Variants in CDKAL1 observed in about 807,000 individuals in gnomAD.
CDKAL1 encodes threonylcarbamoyladenosine tRNA methylthiotransferase.
In CDKAL1, 32 loss-of-function variants were observed where a neutral mutation model predicts 68.2. That is an observed-to-expected ratio of 0.47 (90% CI 0.35 to 0.63). The LOEUF (loss-of-function observed/expected upper bound fraction) is 0.63, where lower values mean the gene tolerates loss of function less well. Ranked by LOEUF, CDKAL1 falls within the 30% of genes least tolerant of loss-of-function variation. The pLI, the probability that CDKAL1 is intolerant of heterozygous loss-of-function variation, is 0.00. For synonymous variants in CDKAL1, 234 were observed against 244.3 expected (o/e 0.96, Z 0.39); for missense variants, 606 against 696.7 (o/e 0.87, Z 1.47).
chr6:20,915,761 G>A (rs983349646), intron 9 of CDKAL1, among the ~76,000 whole-genome samples: 5 of 152,152 alleles, frequency 3.3e-5, no homozygotes, highest in Non-Finnish European at 7.3e-5. Flanking sequence ...AATGTTCATA[G>A]CAGCTTTATT....
intron 9 of CDKAL1, among the ~76,000 whole-genome samples, chr6:20,925,802 G>A (rs1360306941): frequency 1.3e-5 from 2 of 152,112 alleles, no homozygotes; most frequent in Non-Finnish European, 2.9e-5. Context: ...AAAGATATTA[G>A]TTACAGAGTA....
intron 9 of CDKAL1, 83 bp from the exon 10 acceptor site, chr6:20,955,336 A>C (rs1451607546): frequency 7.4e-7 from 1 of 1,351,616 alleles, no homozygotes; most frequent in Non-Finnish European, 1.0e-6. Flanking sequence ...GTTGAGAAAT[A>C]CTGCATTAAA....
intron 11 of CDKAL1, among the ~76,000 whole-genome samples, chr6:21,013,256 G>A (rs1768118440): frequency 6.6e-6 from 1 of 150,904 alleles, no homozygotes; most frequent in Non-Finnish European, 1.5e-5. Context: ...TAATTCACAA[G>A]GAGAGTGGTT....
chr6:20,852,202 T>A (rs1759054065), intron 9 of CDKAL1, among the ~76,000 whole-genome samples: 1 of 152,132 alleles, frequency 6.6e-6, no homozygotes, highest in African/African-American at 2.4e-5. Flanking sequence ...GTATTGTGTT[T>A]TGAAAGAGGG....
At chr6:21,211,851 G>A (rs1001091633) in intron 15 of CDKAL1, among the ~76,000 whole-genome samples, 9 of 152,070 alleles carry the variant, frequency 5.9e-5, no homozygotes, top group African/African-American at 1.9e-4. Context: ...TCTACTTCCC[G>A]GGCTCAAGTG....
intron 13 of CDKAL1, among the ~76,000 whole-genome samples, chr6:21,194,108 A>G (rs144754167): frequency 9.7e-4 from 148 of 152,294 alleles, no homozygotes; most frequent in African/African-American, 3.5e-3. Context: ...CTCAAGAACT[A>G]ACTCAGTCCC....
At chr6:20,716,541 G>A (rs1772103287) in intron 5 of CDKAL1, among the ~76,000 whole-genome samples, 1 of 134,532 alleles carries the variant, frequency 7.4e-6, no homozygotes, top group South Asian at 2.3e-4. Flanking sequence ...CAAATGAAAA[G>A]AAGAGAGCAA....
intron 10 of CDKAL1, among the ~76,000 whole-genome samples, chr6:20,990,103 C>T (rs1342993978): frequency 3.3e-5 from 5 of 151,952 alleles, no homozygotes; most frequent in Non-Finnish European, 7.4e-5. Context: ...ATTAGCTGGG[C>T]GTGGTGGCAC....
chr6:20,859,306 GA>G (rs112918017), intron 9 of CDKAL1, among the ~76,000 whole-genome samples: 1,679 of 151,372 alleles, frequency 0.011, 24 homozygotes, highest in African/African-American at 0.038. Context: ...AAAAAAAAAA[GA>G]AAAAAAATGG....
intron 15 of CDKAL1, among the ~76,000 whole-genome samples, chr6:21,214,064 A>G (rs976093949): frequency 2.0e-5 from 3 of 152,212 alleles, no homozygotes; most frequent in Non-Finnish European, 4.4e-5. Flanking sequence ...GAAGCAAAAT[A>G]AGCCACACCA....
chr6:20,738,495 T>TTG (rs973733062), intron 5 of CDKAL1, among the ~76,000 whole-genome samples: 21 of 149,788 alleles, frequency 1.4e-4, no homozygotes, highest in Middle Eastern at 3.4e-3. Flanking sequence ...GTTTTTTTTT[T>TTG]TTTTTTTTTT....
chr6:20,865,112 T>C (rs1028583866), intron 9 of CDKAL1, among the ~76,000 whole-genome samples: 1 of 152,210 alleles, frequency 6.6e-6, no homozygotes, highest in Admixed American at 6.5e-5. Flanking sequence ...CTGCTGGTGC[T>C]TGTTATCTCT....
chr6:20,735,269 A>T (rs565674644), intron 5 of CDKAL1, among the ~76,000 whole-genome samples: 1 of 152,186 alleles, frequency 6.6e-6, no homozygotes, highest in East Asian at 1.9e-4. Context: ...CTCATGCTAC[A>T]AATAAAGACA....
At chr6:21,082,868 T>G (rs1260485843) in intron 12 of CDKAL1, among the ~76,000 whole-genome samples, 1 of 142,970 alleles carries the variant, frequency 7.0e-6, no homozygotes, top group East Asian at 2.1e-4. Flanking sequence ...CATTTATGTT[T>G]CTTTTGTTTT....
At chr6:20,765,946 A>G (rs1334679073) in intron 7 of CDKAL1, among the ~76,000 whole-genome samples, 1 of 149,630 alleles carries the variant, frequency 6.7e-6, no homozygotes, top group East Asian at 1.9e-4. Context: ...GTCTTCTTTA[A>G]ACATTGTAAG....
In CDKAL1 at chr6:21,076,508, A is replaced by G. The variant is rs150698099; in HGVS notation, c.1236+11280A>G. On this transcript the variant is annotated intron_variant, in intron 12 of 15. Transcript: ENST00000274695. ...TTACGTTTAACAACTCAGTGTTTTA[A>G]AGAATATCAGGTTGCCTTAATGGAA... Among the ~76,000 whole-genome samples the G allele has an allele frequency of 1.0e-2, 1,520 of 152,306 alleles. 10 individuals carry two copies. The highest frequency in any genetic ancestry group is 0.014 in the Non-Finnish European group (971 of 68,018).
intron 5 of CDKAL1, among the ~76,000 whole-genome samples, chr6:20,718,043 T>C (rs954769027): frequency 6.6e-6 from 1 of 152,066 alleles, no homozygotes; most frequent in Non-Finnish European, 1.5e-5. Context: ...GATGACTGAG[T>C]TGAGATGTTC....
chr6:21,174,983 C>T (rs570296973), intron 13 of CDKAL1, among the ~76,000 whole-genome samples: 53 of 152,222 alleles, frequency 3.5e-4, no homozygotes, highest in Non-Finnish European at 6.5e-4. Context: ...CAACATAAGG[C>T]GCTGGGCTTT....
At chr6:20,780,281 A>G (rs1015731533) in intron 7 of CDKAL1, among the ~76,000 whole-genome samples, 4 of 152,118 alleles carry the variant, frequency 2.6e-5, no homozygotes, top group African/African-American at 9.7e-5. Flanking sequence ...AAATGTTTTA[A>G]TGGCTCTTAA....
Sources: allele counts gnomAD v4.1 joint callset (sites outside exome capture counted in the v4.1 genomes callset), GRCh38; gene constraint gnomAD v4.1.1; transcripts MANE v1.5; gene names NCBI Gene and HGNC (gene_info 2026-07-23, HGNC 2026-07-21).